TAOK3: variants seen among roughly 807,000 people sequenced by gnomAD.
TAOK3 encodes the protein TAO kinase 3.
A neutral mutation model predicts 120.4 loss-of-function variants in TAOK3; 40 were observed. That is an observed-to-expected ratio of 0.33 (90% CI 0.26 to 0.43). The LOEUF is 0.43. TAOK3 is among the 20% of genes least tolerant of loss of function. The probability of loss-of-function intolerance (pLI) is 1.00; values close to 1 mark genes in which losing one functional copy is unlikely to be tolerated. For synonymous variants in TAOK3, 355 were observed against 387.5 expected (o/e 0.92, Z 0.99); for missense variants, 821 against 1,112.1 (o/e 0.74, Z 3.72).
intron 12 of TAOK3, 108 bp downstream of exon 12, chr12:118,201,188 A>G: frequency 9.7e-7 from 1 of 1,033,056 alleles, no homozygotes; most frequent in Non-Finnish European, 1.4e-6. Flanking sequence ...CTTAAGGCGG[A>G]CAGCATCAAT....
intron 6 of TAOK3, 38 bp from the exon 7 acceptor site, chr12:118,238,207 G>A (rs576002467): frequency 3.2e-6 from 4 of 1,238,168 alleles, no homozygotes; most frequent in Admixed American, 3.5e-5. Flanking sequence ...TAGATGATCA[G>A]TTTCATTCCT....
At chr12:118,282,830 C>T (rs751915087) in intron 1 of TAOK3, among the ~76,000 whole-genome samples, 6 of 152,152 alleles carry the variant, frequency 3.9e-5, no homozygotes, top group Non-Finnish European at 7.4e-5. Context: ...GTCACATGCC[C>T]GCCTGAAAGC....
intron 1 of TAOK3, among the ~76,000 whole-genome samples, chr12:118,353,484 G>A (rs1158400088): frequency 6.6e-6 from 1 of 151,972 alleles, no homozygotes; most frequent in African/African-American, 2.4e-5. Flanking sequence ...CAGAAAGGGT[G>A]TCGAAAGTCA....
At chr12:118,260,829 C>T (rs189164035) in intron 2 of TAOK3, among the ~76,000 whole-genome samples, 231 of 152,218 alleles carry the variant, frequency 1.5e-3, no homozygotes, top group Non-Finnish European at 2.5e-3. Flanking sequence ...TACAGGCATG[C>T]GCCACCACAT....
chr12:118,280,579 G>A (rs939935153), intron 1 of TAOK3, among the ~76,000 whole-genome samples: 3 of 152,262 alleles, frequency 2.0e-5, no homozygotes, highest in Middle Eastern at 3.4e-3. Context: ...CCAGTACCAC[G>A]CTCTCTTGGT....
At chr12:118,223,189 CCT>C (rs2039329437) in intron 9 of TAOK3, among the ~76,000 whole-genome samples, 1 of 151,030 alleles carries the variant, frequency 6.6e-6, no homozygotes, top group Admixed American at 6.6e-5. Context: ...CCTGCCTCAG[CCT>C]CTCCGAGTAG....
intron 1 of TAOK3, among the ~76,000 whole-genome samples, chr12:118,313,023 C>T (rs984393069): frequency 2.0e-5 from 3 of 152,118 alleles, no homozygotes; most frequent in Admixed American, 6.5e-5. Flanking sequence ...AAATCCCTAA[C>T]ACTAAAGACG....
chr12:118,278,796 G>A (rs1313136212), intron 1 of TAOK3, among the ~76,000 whole-genome samples: 1 of 152,056 alleles, frequency 6.6e-6, no homozygotes, highest in African/African-American at 2.4e-5. Flanking sequence ...TACCTTGACA[G>A]CATCTGTTAT....
intron 9 of TAOK3, among the ~76,000 whole-genome samples, chr12:118,219,770 CTTTTT>C (rs35568926): frequency 2.0e-4 from 12 of 58,838 alleles, no homozygotes; most frequent in Non-Finnish European, 1.2e-4. Flanking sequence ...ACTTTTTTGG[CTTTTT>C]TTTTTTTTTT....
At chr12:118,233,949 T>A (rs191945552) in intron 8 of TAOK3, among the ~76,000 whole-genome samples, 184 bp from the exon 9 acceptor site, 4 of 152,316 alleles carry the variant, frequency 2.6e-5, no homozygotes, top group Admixed American at 2.6e-4. Context: ...GTGATTTACA[T>A]GACACAGTAT....
At position 118,372,494 on chromosome 12, in the gene TAOK3, G is replaced by T. The variant is rs2045931182; in HGVS notation, c.-194+154C>A. ...CAGAGCCACTGCCTCGGTCCCTCTC[G>T]GAGTCCCCTCTCCTCACCCGCTGTC... On this transcript the variant is annotated intron_variant, in intron 1 of 20. Transcript: ENST00000392533. This position sits in a 1 kb window ranked among gnomAD's most constrained non-coding sequence, Gnocchi z 4.6. Among the ~76,000 whole-genome samples the T allele has an allele frequency of 5.3e-5, 8 of 151,184 alleles. No homozygotes were observed. Among genetic ancestry groups the T allele is most frequent in the Admixed American group, 5.3e-4 (8 of 15,218 alleles).
At chr12:118,175,860 G>T (rs899114909) in intron 16 of TAOK3, among the ~76,000 whole-genome samples, 3 of 152,136 alleles carry the variant, frequency 2.0e-5, no homozygotes, top group African/African-American at 4.8e-5. Context: ...AGTTCTTTGG[G>T]AAGAACTCCT....
intron 1 of TAOK3, among the ~76,000 whole-genome samples, chr12:118,288,604 T>C (rs1233937669): frequency 6.6e-6 from 1 of 152,014 alleles, no homozygotes; most frequent in Non-Finnish European, 1.5e-5. Context: ...TTTCTTAGAG[T>C]AGCCCAAGCA....
intron 13 of TAOK3, among the ~76,000 whole-genome samples, chr12:118,194,612 C>CTTTTT (rs58866768): frequency 2.7e-4 from 26 of 98,004 alleles, no homozygotes; most frequent in Non-Finnish European, 3.4e-4. Context: ...AAGGACATTT[C>CTTTTT]TTTTTTTTTT....
At chr12:118,355,672 G>T (rs1448515615) in intron 1 of TAOK3, among the ~76,000 whole-genome samples, 2 of 152,150 alleles carry the variant, frequency 1.3e-5, no homozygotes, top group Non-Finnish European at 2.9e-5. Flanking sequence ...ATGTGTTGTT[G>T]TATCTCTTTC....
At chr12:118,171,634 G>A (rs2036003367) in intron 17 of TAOK3, among the ~76,000 whole-genome samples, 2 of 152,210 alleles carry the variant, frequency 1.3e-5, no homozygotes, top group African/African-American at 4.8e-5. Flanking sequence ...TGGGATTACA[G>A]GCATGAGCCA....
chr12:118,246,019 A>G, intron 3 of TAOK3: 1 of 664,906 alleles, frequency 1.5e-6, no homozygotes, highest in East Asian at 3.0e-5. Context: ...GCAAAATAGT[A>G]ATAATGTGAG....
chr12:118,245,480 G>T (rs922487258), intron 3 of TAOK3, among the ~76,000 whole-genome samples: 9 of 150,308 alleles, frequency 6.0e-5, no homozygotes, highest in African/African-American at 2.2e-4. Flanking sequence ...ACCACACCTG[G>T]CTAATTTTTA....
At chr12:118,326,519 G>C (rs973061067) in intron 1 of TAOK3, among the ~76,000 whole-genome samples, 1 of 150,888 alleles carries the variant, frequency 6.6e-6, no homozygotes, top group Non-Finnish European at 1.5e-5. Flanking sequence ...ATTTTTTATA[G>C]AAAAGAAATG....
Sources: allele counts gnomAD v4.1 joint callset (sites outside exome capture counted in the v4.1 genomes callset), GRCh38; gene constraint gnomAD v4.1.1; non-coding constraint Gnocchi (gnomAD v3.1); transcripts MANE v1.5; gene names NCBI Gene and HGNC (gene_info 2026-07-23, HGNC 2026-07-21).